The following MYO1H variants were observed in gnomAD, a reference collection of about 807,000 sequenced individuals.
MYO1H encodes the protein myosin IH, also known as unconventional myosin-Ih.
A neutral mutation model predicts 149.3 loss-of-function variants in MYO1H; 118 were observed. The ratio of observed to expected loss-of-function variants is 0.79; its 90% CI spans 0.68 to 0.92. The LOEUF (loss-of-function observed/expected upper bound fraction) is 0.92. Among genes scored for constraint, MYO1H ranks in the 40% least tolerant of loss-of-function variants. The probability of loss-of-function intolerance (pLI) is 0.00; values close to 1 mark genes in which losing one functional copy is unlikely to be tolerated. For missense variants in MYO1H, 1,212 were observed against 1,280.7 expected, an observed-to-expected ratio of 0.95 and a Z score of 0.82; for synonymous variants, 447 against 465.2, an observed-to-expected ratio of 0.96 and a Z score of 0.50.
At chr12:109,443,407 CTGTT>C (rs1389334058) in intron 27 of MYO1H, 103 bp from the exon 28 acceptor site, 125 of 1,237,432 alleles carry the variant, frequency 1.0e-4, no homozygotes, top group South Asian at 6.0e-4. Flanking sequence ...CACGCAAAAT[CTGTT>C]TGAGCTTTTC....
intron 6 of MYO1H, among the ~76,000 whole-genome samples, chr12:109,402,960 C>T (rs552084586): frequency 2.0e-5 from 3 of 152,238 alleles, no homozygotes; most frequent in East Asian, 3.9e-4. Context: ...GATCTTTATA[C>T]ATCAGGGGCT....
chr12:109,378,891 T>G (rs894736642), intron 1 of MYO1H, among the ~76,000 whole-genome samples: 1 of 152,234 alleles, frequency 6.6e-6, no homozygotes, highest in Non-Finnish European at 1.5e-5. Context: ...GGTTCCCTTG[T>G]AGTTTCCTTC....
chr12:109,316,730 A>G, the MYO1H span, among the ~76,000 whole-genome samples: 9 of 152,202 alleles, frequency 5.9e-5, no homozygotes, highest in Admixed American at 5.9e-4. Flanking sequence ...GTAACGGACA[A>G]AAAGACCCCC....
chr12:109,359,106 C>G (rs775920076), intron 1 of MYO1H, among the ~76,000 whole-genome samples: 1 of 151,934 alleles, frequency 6.6e-6, no homozygotes, highest in East Asian at 1.9e-4. Context: ...AGGAGGTGGC[C>G]GGGGAGCTGT....
upstream of MYO1H, among the ~76,000 whole-genome samples, chr12:109,344,764 G>C (rs2048097503): frequency 6.6e-6 from 1 of 152,180 alleles, no homozygotes; most frequent in Non-Finnish European, 1.5e-5. Flanking sequence ...GTGAGGTACG[G>C]CCATAAAGAC....
At chr12:109,378,532 C>G (rs547781030) in intron 1 of MYO1H, among the ~76,000 whole-genome samples, 8 of 152,020 alleles carry the variant, frequency 5.3e-5, no homozygotes, top group Non-Finnish European at 1.0e-4. Context: ...CTGTGCTACC[C>G]AGGCTAGTCT....
intron 1 of MYO1H, among the ~76,000 whole-genome samples, chr12:109,348,213 T>G (rs536008168): frequency 5.9e-5 from 9 of 152,240 alleles, no homozygotes; most frequent in Non-Finnish European, 7.3e-5. Flanking sequence ...AGTTACCGAT[T>G]CATTTCACAT....
chr12:109,430,681 C>A (rs918597776), intron 19 of MYO1H, among the ~76,000 whole-genome samples: 2 of 152,222 alleles, frequency 1.3e-5, no homozygotes, highest in Non-Finnish European at 2.9e-5. Context: ...GTAATCCCAG[C>A]ACTTTGGGAG....
chr12:109,350,516 G>T (rs576955745), intron 1 of MYO1H, among the ~76,000 whole-genome samples: 43 of 152,268 alleles, frequency 2.8e-4, no homozygotes, highest in Non-Finnish European at 4.7e-4. Context: ...TTCCACCGAG[G>T]TTGTAAGGCC....
At chr12:109,326,738 T>G in the MYO1H span, among the ~76,000 whole-genome samples, 1 of 152,092 alleles carries the variant, frequency 6.6e-6, no homozygotes, top group Non-Finnish European at 1.5e-5. Flanking sequence ...CAGGCTGGTC[T>G]CAAATCCCTG....
At chr12:109,443,554 A>T (rs1872338110) in exon 28 of MYO1H, 2 of 1,613,858 alleles carry the variant, frequency 1.2e-6, no homozygotes, top group Non-Finnish European at 8.5e-7. Context: ...AAAGGCTTCA[A>T]AGCACGGCAG....
Position 109,363,441 on chromosome 12 carries a change from C to T in MYO1H, c.12+15469C>T, listed in dbSNP as rs575647530. Among the ~76,000 whole-genome samples the T allele has an allele frequency of 1.1e-4, 17 of 152,292 alleles. No homozygotes were observed. In the East Asian group the frequency reaches 2.9e-3, roughly 26 times the overall value. On this transcript the variant is annotated intron_variant, in intron 1 of 31. Transcript: ENST00000310903. ...CATAAGAGGGAGCGTCGGCCGGGCG[C>T]GGTGGCTCACGCCTGTAATCCAGCA...
intron 1 of MYO1H, among the ~76,000 whole-genome samples, chr12:109,368,952 C>T (rs1435144430): frequency 2.0e-5 from 3 of 151,912 alleles, no homozygotes; most frequent in Admixed American, 6.6e-5. Flanking sequence ...GGGTAATGGC[C>T]GGTAGCTGCA....
the MYO1H span, among the ~76,000 whole-genome samples, chr12:109,341,219 C>T: frequency 1.2e-4 from 14 of 113,524 alleles, no homozygotes; most frequent in African/African-American, 3.7e-4. Flanking sequence ...CAGATTTCAG[C>T]GTTCCATCTC....
At chr12:109,356,897 A>C (rs1218629186) in intron 1 of MYO1H, among the ~76,000 whole-genome samples, 1 of 152,208 alleles carries the variant, frequency 6.6e-6, no homozygotes, top group African/African-American at 2.4e-5. Context: ...AACACATAAA[A>C]ACTTGCAATA....
chr12:109,403,667 GACAA>G (rs35777202), intron 6 of MYO1H, among the ~76,000 whole-genome samples: 8,573 of 152,146 alleles, frequency 0.056, 334 homozygotes, highest in Non-Finnish European at 0.088. Context: ...TATTTCTTGA[GACAA>G]ACAGCTTCAA....
At chr12:109,334,726 T>G in the MYO1H span, among the ~76,000 whole-genome samples, 1 of 152,170 alleles carries the variant, frequency 6.6e-6, no homozygotes, top group Non-Finnish European at 1.5e-5. Context: ...CTGTGATCAG[T>G]TTTTTCTTCT....
At chr12:109,318,147 G>A in the MYO1H span, among the ~76,000 whole-genome samples, 1 of 152,168 alleles carries the variant, frequency 6.6e-6, no homozygotes, top group Non-Finnish European at 1.5e-5. Context: ...ATAACCCAAA[G>A]TATAAAACAA....
At chr12:109,393,575 C>T in intron 3 of MYO1H, 129 bp downstream of exon 3, 1 of 649,264 alleles carries the variant, frequency 1.5e-6, no homozygotes, top group Non-Finnish European at 2.8e-6. Flanking sequence ...ATCCATCCAT[C>T]CGCCCACCCA....
Sources: allele counts gnomAD v4.1 joint callset (sites outside exome capture counted in the v4.1 genomes callset), GRCh38; gene constraint gnomAD v4.1.1; transcripts MANE v1.5; gene names NCBI Gene and HGNC (gene_info 2026-07-23, HGNC 2026-07-21).